The following TAFA5 variants were observed in gnomAD, a reference collection of about 807,000 sequenced individuals.
TAFA5 encodes the protein TAFA chemokine like family member 5.
TAFA5 carries 6 observed loss-of-function variants against 15.3 expected under a neutral mutation model. That is an observed-to-expected ratio of 0.39 (90% CI 0.21 to 0.77). The LOEUF is 0.77. Among genes scored for constraint, TAFA5 ranks in the 30% least tolerant of loss-of-function variants. The pLI, the probability that TAFA5 is intolerant of heterozygous loss-of-function variation, is 0.41. For missense variants in TAFA5, 161 were observed against 193.1 expected (o/e 0.83, Z 0.98); for synonymous variants, 103 against 80.7 (o/e 1.28, Z -1.48).
rs1024551901 is a variant in TAFA5, at chr22:48,734,152, T to C, written c.391-15687T>C. On this transcript the variant is annotated intron_variant, in intron 3 of 3. Transcript: ENST00000402357. ...TGAAATAAATGAGAGGGGAAAACTA[T>C]TGATCACAGCAGAAAACAGAAAGTA... 2.0e-5 allele frequency among the ~76,000 whole-genome samples: 3 copies of C among 152,198 alleles called. No individual in the cohort carries two copies. The East Asian group carries it at 5.8e-4, about 29-fold the overall frequency.
At chr22:48,562,446 C>G (rs367691956) in intron 1 of TAFA5, among the ~76,000 whole-genome samples, 4 of 152,306 alleles carry the variant, frequency 2.6e-5, no homozygotes, top group African/African-American at 9.6e-5. Context: ...CCCCGCGGAG[C>G]CTTTCTAGAA....
intron 2 of TAFA5, among the ~76,000 whole-genome samples, chr22:48,669,903 G>A (rs1927746955): frequency 6.6e-6 from 1 of 152,240 alleles, no homozygotes; most frequent in African/African-American, 2.4e-5. Flanking sequence ...AGGCTGTGCT[G>A]CCTCCCGCCT....
chr22:48,661,204 G>T (rs971867708), intron 2 of TAFA5, among the ~76,000 whole-genome samples: 48 of 152,184 alleles, frequency 3.2e-4, no homozygotes, highest in African/African-American at 1.0e-3. Flanking sequence ...TACGGTCAGG[G>T]TCTGTGGCCA....
intron 2 of TAFA5, among the ~76,000 whole-genome samples, chr22:48,683,515 G>C (rs1928259406): frequency 6.6e-6 from 1 of 152,208 alleles, no homozygotes; most frequent in South Asian, 2.1e-4. Context: ...GAGTTTACCT[G>C]AAGGGACGGG....
intron 2 of TAFA5, among the ~76,000 whole-genome samples, chr22:48,698,760 C>T (rs1398222635): frequency 6.6e-6 from 1 of 150,650 alleles, no homozygotes; most frequent in Non-Finnish European, 1.5e-5. Flanking sequence ...CTTCCGCAGC[C>T]TCGGGGTGCA....
At chr22:48,543,513 C>G (rs1013923178) in intron 1 of TAFA5, 1 of 152,226 alleles carries the variant, frequency 6.6e-6, no homozygotes, top group South Asian at 2.1e-4. Flanking sequence ...GGGGGACCCT[C>G]GCTGCTGCTC....
At chr22:48,716,996 A>G (rs1929420423) in intron 3 of TAFA5, among the ~76,000 whole-genome samples, 1 of 152,366 alleles carries the variant, frequency 6.6e-6, no homozygotes, top group East Asian at 1.9e-4. Flanking sequence ...AAAATGAAGA[A>G]GAAATTATCA....
intron 3 of TAFA5, among the ~76,000 whole-genome samples, chr22:48,725,221 G>A (rs768799431): frequency 1.3e-5 from 2 of 152,246 alleles, no homozygotes; most frequent in South Asian, 2.1e-4. Flanking sequence ...GAACCAGAGC[G>A]AGACTGGAGA....
intron 1 of TAFA5, among the ~76,000 whole-genome samples, chr22:48,603,313 C>T (rs902957781): frequency 6.6e-6 from 1 of 152,236 alleles, no homozygotes; most frequent in African/African-American, 2.4e-5. Context: ...ACCCACTCAG[C>T]GATGAGTCAT....
At chr22:48,554,467 A>C (rs1037839118) in intron 1 of TAFA5, among the ~76,000 whole-genome samples, 1 of 152,226 alleles carries the variant, frequency 6.6e-6, no homozygotes, top group Admixed American at 6.5e-5. Context: ...TTACATTTTT[A>C]ATCACATGAG....
chr22:48,647,752 T>C (rs1236280690), intron 2 of TAFA5, among the ~76,000 whole-genome samples: 1 of 151,864 alleles, frequency 6.6e-6, no homozygotes, highest in Non-Finnish European at 1.5e-5. Context: ...CCAGGCAGCC[T>C]TGGGGTGAAG....
intron 1 of TAFA5, among the ~76,000 whole-genome samples, chr22:48,533,663 C>T (rs1922048641): frequency 6.6e-6 from 1 of 152,196 alleles, no homozygotes; most frequent in South Asian, 2.1e-4. Context: ...CACCCTAGGG[C>T]CCCTTTCCCA....
chr22:48,611,245 A>G (rs28512455), intron 1 of TAFA5, among the ~76,000 whole-genome samples: 59,175 of 152,112 alleles, frequency 0.39, 12,071 homozygotes, highest in East Asian at 0.52. Flanking sequence ...TATTTTTGAT[A>G]GCTTTGAAAA....
At chr22:48,623,319 A>G (rs5771673) in intron 1 of TAFA5, among the ~76,000 whole-genome samples, 23,110 of 41,558 alleles carry the variant, frequency 0.56, 9,235 homozygotes, top group African/African-American at 0.68. Context: ...GGGACGGGAC[A>G]TGTCGCGTGG....
intron 1 of TAFA5, among the ~76,000 whole-genome samples, chr22:48,523,128 C>T (rs1292161562): frequency 3.3e-5 from 5 of 152,194 alleles, no homozygotes; most frequent in East Asian, 3.9e-4. Context: ...TTCCAGCTCA[C>T]GGGCCTCCAT....
chr22:48,558,810 TG>T (rs1923127339), intron 1 of TAFA5, among the ~76,000 whole-genome samples: 1 of 152,216 alleles, frequency 6.6e-6, no homozygotes, highest in Admixed American at 6.5e-5. Context: ...GAGGATACCC[TG>T]GGTGCCCACG....
intron 1 of TAFA5, among the ~76,000 whole-genome samples, chr22:48,634,879 C>T (rs1324737846): frequency 6.6e-6 from 1 of 152,210 alleles, no homozygotes; most frequent in East Asian, 1.9e-4. Flanking sequence ...GGCTTGGGGA[C>T]AGGAAGGAGC....
At chr22:48,575,080 G>A (rs1010057246) in intron 1 of TAFA5, among the ~76,000 whole-genome samples, 29 of 152,280 alleles carry the variant, frequency 1.9e-4, no homozygotes, top group African/African-American at 6.3e-4. Context: ...CCTCCTCCGA[G>A]CCCTCCCAGC....
chr22:48,657,743 G>A (rs9617413), intron 2 of TAFA5, among the ~76,000 whole-genome samples: 6 of 152,000 alleles, frequency 3.9e-5, no homozygotes, highest in Non-Finnish European at 7.4e-5. Context: ...ATGTAAAGGC[G>A]CTCTGTGAAT....
Sources: gnomAD v4.1 joint callset for allele counts (sites outside exome capture counted in the v4.1 genomes callset) on GRCh38, gnomAD v4.1.1 for gene constraint, MANE v1.5 for transcripts, NCBI Gene and HGNC (gene_info 2026-07-23, HGNC 2026-07-21) for gene names.